NR2F1: variants seen among roughly 807,000 people sequenced by gnomAD.
NR2F1 encodes nuclear receptor subfamily 2 group F member 1, also known as COUP transcription factor 1.
NR2F1 carries 1 observed loss-of-function variant against 37.7 expected under a neutral mutation model. That is an observed-to-expected ratio of 0.03 (90% CI 0.01 to 0.13). The LOEUF (loss-of-function observed/expected upper bound fraction) is 0.13, where lower values mean the gene tolerates loss of function less well. NR2F1 is among the 10% of genes least tolerant of loss of function. The pLI is 1.00. For synonymous variants in NR2F1, 275 were observed against 259.6 expected (o/e 1.06, Z -0.57); for missense variants, 268 against 578.4 (o/e 0.46, Z 5.50).
intron 2 of NR2F1, among the ~76,000 whole-genome samples, chr5:93,590,610 C>T (rs527517978): frequency 3.3e-5 from 5 of 152,198 alleles, no homozygotes; most frequent in Non-Finnish European, 7.3e-5. Context: ...CCTCCCCCCT[C>T]CCATGCAACA....
intron 2 of NR2F1, among the ~76,000 whole-genome samples, chr5:93,588,754 C>G (rs1580360597): frequency 1.3e-5 from 2 of 149,314 alleles, no homozygotes; most frequent in Admixed American, 1.3e-4. Flanking sequence ...GGCGGGGGGG[C>G]GGTGCTGTGG....
chr5:93,587,914 C>T lies in NR2F1; in HGVS notation c.464-3C>T. The stretch of plus-strand genomic sequence containing the variant: ...GCCTCTTTTCTCTCTTTCTTTTTGT[C>T]AGCGGTTCAGCGAGGAAGAATGCCT... On this transcript the variant is annotated splice_polypyrimidine_tract_variant and splice_region_variant and intron_variant, in intron 1 of 2. Coordinates refer to ENST00000327111, the MANE Select transcript of NR2F1 (RefSeq NM_005654.6). The T allele has an allele frequency of 6.5e-7, 1 of 1,549,496 alleles. No homozygotes were observed. Among genetic ancestry groups the T allele is most frequent in the Non-Finnish European group, 8.7e-7 (1 of 1,146,032 alleles).
Position 93,594,023 on chromosome 5 carries a change from T to C in NR2F1, c.*181T>C. 1 of 585,096 alleles carries C rather than the reference T, an allele frequency of 1.7e-6. No homozygotes were observed. Among genetic ancestry groups the C allele is most frequent in the Non-Finnish European group, 3.0e-6 (1 of 333,784 alleles). The allele number at this position is 585,096 out of a possible 1,614,324, so 36.2% of individuals were successfully genotyped here. On this transcript the variant is annotated 3_prime_UTR_variant, in exon 3 of 3. Transcript: ENST00000327111. ...GAAATACAATCCGAGCTACAAAGCA[T>C]GGGAAAAAGAGACTCTTTTAGGATC...
chr5:93,589,923 G>A (rs984324246), intron 2 of NR2F1, among the ~76,000 whole-genome samples: 24 of 152,256 alleles, frequency 1.6e-4, no homozygotes, highest in Non-Finnish European at 7.3e-5. Flanking sequence ...CAGTGCAAAT[G>A]CAGGTCTGCT....
Position 93,584,681 on chromosome 5 carries a change from G to A in NR2F1, c.-343G>A, listed in dbSNP as rs1277729746. 6.7e-6 allele frequency: 1 copy of A among 148,854 alleles called. No individual in the cohort carries two copies. The highest frequency in any genetic ancestry group is 1.5e-5 in the Non-Finnish European group (1 of 66,628). The allele number at this position is 148,854 out of a possible 1,614,324, so 9.2% of individuals were successfully genotyped here. Reference sequence around the variant, plus strand: ...CAGGAACGGAGCGCGGGGGGAGCGGGCGAGGGGAGCAGGGGTGTTGGGGGG... The same window carrying A: ...CAGGAACGGAGCGCGGGGGGAGCGGACGAGGGGAGCAGGGGTGTTGGGGGG... On this transcript the variant is annotated 5_prime_UTR_variant, in exon 1 of 3. Transcript: ENST00000327111.
At chr5:93,589,405 C>T (rs924788477) in intron 2 of NR2F1, among the ~76,000 whole-genome samples, 4 of 152,094 alleles carry the variant, frequency 2.6e-5, no homozygotes, top group Non-Finnish European at 4.4e-5. Flanking sequence ...AAGAGGGAAA[C>T]ATATAAACAC....
intron 1 of NR2F1, among the ~76,000 whole-genome samples, chr5:93,586,565 CCAGT>C (rs1753238328): frequency 6.6e-6 from 1 of 152,168 alleles, no homozygotes; most frequent in South Asian, 2.1e-4. Context: ...AATTAGCGAA[CCAGT>C]CAATTTTGCA....
intron 2 of NR2F1, among the ~76,000 whole-genome samples, chr5:93,588,721 G>A (rs1346794599): frequency 6.6e-6 from 1 of 151,500 alleles, no homozygotes; most frequent in Non-Finnish European, 1.5e-5. Context: ...GTGGGGCCGC[G>A]GCTGCCGAGG....
rs1183542342 is a variant in NR2F1, at chr5:93,584,630, A to C, written c.-394A>C. On this transcript the variant is annotated 5_prime_UTR_variant, in exon 1 of 3. Coordinates refer to ENST00000327111, the MANE Select transcript of NR2F1 (RefSeq NM_005654.6). ...GGAGCTTGCTCGCCGGGGGGTGGGG[A>C]GGGGGGAAGGAGAGCGCGGCCCCCC... The C allele has an allele frequency of 2.7e-5, 1 of 36,892 alleles. No individual in the cohort carries two copies. Among genetic ancestry groups the C allele is most frequent in the Non-Finnish European group, 5.4e-5 (1 of 18,556 alleles). 2.3% of individuals were successfully genotyped at this position (36,892 alleles called of 1,614,324 possible). A position where few individuals can be genotyped will look rare whatever the true frequency, so the allele number is the denominator to read the frequency against.
chr5:93,585,231 A>G lies in NR2F1; in HGVS notation c.208A>G (p.Lys70Glu). Residue 70 changes from lysine to glutamate, a missense_variant, in exon 1 of 3, where the codon AAG (lysine) becomes GAG (glutamate). By Grantham distance (56) the Lys-to-Glu change is moderately conservative. Transcript: ENST00000327111. Reference sequence around the variant, plus strand: ...CGCCACCCCCGGCACGGCGGGGGACAAGGGCCAGGGCCCGCCCGGTTCGGG... The same window carrying G: ...CGCCACCCCCGGCACGGCGGGGGACGAGGGCCAGGGCCCGCCCGGTTCGGG... The part of the protein sequence containing the change: ...APATPGTAGD[K>E]GQGPPGSGQS... 1 of 1,553,492 alleles carries G rather than the reference A, an allele frequency of 6.4e-7. No individual in the cohort carries two copies. The highest frequency in any genetic ancestry group is 8.7e-7 in the Non-Finnish European group (1 of 1,149,390).
In NR2F1 at chr5:93,594,234, A is replaced by G. The variant is rs1561527605; in HGVS notation, c.*392A>G. The G allele has an allele frequency of 5.4e-6, 1 of 183,526 alleles. No individual in the cohort carries two copies. The highest frequency in any genetic ancestry group is 1.1e-5 in the Non-Finnish European group (1 of 89,100). The allele number at this position is 183,526 out of a possible 1,614,324, so 11.4% of individuals were successfully genotyped here. On this transcript the variant is annotated 3_prime_UTR_variant, in exon 3 of 3. Transcript: ENST00000327111. ...ATGTGGATATATTCTGTACAGGAAC[A>G]ACACATATGGAAGTGGACTGAAGCC...
chr5:93,588,792 C>CGTGTGT (rs969188939), intron 2 of NR2F1, among the ~76,000 whole-genome samples: 33 of 141,004 alleles, frequency 2.3e-4, no homozygotes, highest in Non-Finnish European at 1.7e-4. Flanking sequence ...CGCGCGCGCG[C>CGTGTGT]GTGTGTGTGT....
intron 1 of NR2F1, 119 bp from the exon 2 acceptor site, chr5:93,587,798 C>A (rs1320362449): frequency 2.8e-6 from 3 of 1,081,138 alleles, no homozygotes; most frequent in Non-Finnish European, 4.0e-6. Flanking sequence ...GGAGAAGATG[C>A]GCGGGGCGCG....
At chr5:93,585,623 C>A in intron 1 of NR2F1, 137 bp downstream of exon 1, 1 of 706,404 alleles carries the variant, frequency 1.4e-6, no homozygotes, top group Non-Finnish European at 2.4e-6. Flanking sequence ...CTTCTCCCGG[C>A]TGCCTTCCTC....
intron 2 of NR2F1, among the ~76,000 whole-genome samples, chr5:93,589,805 G>A (rs1247931705): frequency 6.6e-6 from 1 of 152,242 alleles, no homozygotes; most frequent in Admixed American, 6.5e-5. Flanking sequence ...TGTAGCAAAT[G>A]TAGTATTAAT....
At chr5:93,585,654 C>T in intron 1 of NR2F1, 168 bp downstream of exon 1, 1 of 612,988 alleles carries the variant, frequency 1.6e-6, no homozygotes, top group East Asian at 2.8e-5. Flanking sequence ...TCCCCCCGCC[C>T]TCCCCAGCTC....
At chr5:93,588,790 CGCGTGTGTGTGTGT>C (rs1338120456) in intron 2 of NR2F1, among the ~76,000 whole-genome samples, 2 of 148,280 alleles carry the variant, frequency 1.3e-5, no homozygotes, top group East Asian at 4.0e-4. Flanking sequence ...CGCGCGCGCG[CGCGTGTGTGTGTGT>C]GTGTGTGTCT....
intron 2 of NR2F1, among the ~76,000 whole-genome samples, chr5:93,591,697 A>AC (rs1378383311): frequency 6.6e-6 from 1 of 152,088 alleles, no homozygotes; most frequent in East Asian, 1.9e-4. Context: ...AAAAAAAAAA[A>AC]ATCTGCCGGG....
intron 2 of NR2F1, among the ~76,000 whole-genome samples, chr5:93,591,577 T>C (rs1753329416): frequency 6.6e-6 from 1 of 152,124 alleles, no homozygotes; most frequent in Admixed American, 6.5e-5. Context: ...TTCTTGTCTC[T>C]CTTGGAGCGG....
Sources: allele counts gnomAD v4.1 joint callset (sites outside exome capture counted in the v4.1 genomes callset), GRCh38; gene constraint gnomAD v4.1.1; transcripts MANE v1.5; gene names NCBI Gene and HGNC (gene_info 2026-07-23, HGNC 2026-07-21).